Variants in ANO7 observed in about 807,000 individuals in gnomAD.
ANO7 encodes the protein anoctamin 7.
Under a neutral mutation model 115.8 loss-of-function variants are expected in ANO7, and 114 were observed. That is an observed-to-expected ratio of 0.98 (90% CI 0.85 to 1.15). ANO7 has a LOEUF of 1.15. Ranked by LOEUF, ANO7 falls within the 50% of genes most tolerant of loss-of-function variation. The pLI is 0.00. For synonymous variants in ANO7, 550 were observed against 498.2 expected (o/e 1.10, Z -1.38); for missense variants, 1,302 against 1,201.2 (o/e 1.08, Z -1.24).
chr2:241,202,112 G>T (rs2068485623), intron 7 of ANO7, 82 bp from the exon 8 acceptor site: 3 of 1,211,664 alleles, frequency 2.5e-6, no homozygotes, highest in East Asian at 2.4e-5. Flanking sequence ...CATGGCCTTG[G>T]CCTAAAGACA....
chr2:241,223,524 C>A, intron 22 of ANO7, 138 bp from the exon 23 acceptor site: 1 of 1,387,870 alleles, frequency 7.2e-7, no homozygotes, highest in Non-Finnish European at 9.8e-7. Context: ...TCTGCCCCTT[C>A]TGGGGTTCCT....
chr2:241,225,946 G>C lies in ANO7; in HGVS notation c.*1793G>C, dbSNP rs1188870694. Among the ~76,000 whole-genome samples, 1 of 152,192 alleles carries C rather than the reference G, an allele frequency of 6.6e-6. No homozygotes were observed. The highest frequency in any genetic ancestry group is 1.5e-5 in the Non-Finnish European group (1 of 68,030). On this transcript the variant is annotated 3_prime_UTR_variant, in exon 25 of 25. Coordinates refer to ENST00000674324, the MANE Select transcript of ANO7 (RefSeq NM_001370694.2). The stretch of plus-strand genomic sequence containing the variant: ...CACGTGTACTTCCTTCCAGCTGGTT[G>C]CTTTTTATTGTTGCTGTCTTAAACT...
At chr2:241,240,096 G>C in the ANO7 span, 3 of 1,614,176 alleles carry the variant, frequency 1.9e-6, no homozygotes, top group Non-Finnish European at 2.5e-6. The surrounding 1 kb of genome is among the most constrained non-coding windows in gnomAD (Gnocchi z 5.5). Context: ...GCTTGGCGCG[G>C]ATGTCAACAG....
At chr2:241,208,920 C>T (rs35948137) in intron 11 of ANO7, among the ~76,000 whole-genome samples, 122,847 of 151,490 alleles carry the variant, frequency 0.81, 50,672 homozygotes, top group African/African-American at 0.94. Flanking sequence ...GAGGCCAAGG[C>T]GGGTGGATCA....
In ANO7 at chr2:241,224,277, T is replaced by G. The variant is rs572189596; in HGVS notation, c.*124T>G. The stretch of plus-strand genomic sequence containing the variant: ...CCGCTGGCTGCTGTTGTGCCTCATC[T>G]CTGGGCACATTGCCTGCTTCCCCCC... On this transcript the variant is annotated 3_prime_UTR_variant, in exon 25 of 25. Transcript: ENST00000674324. 6 of 1,064,232 alleles carry G rather than the reference T, an allele frequency of 5.6e-6. No individual in the cohort carries two copies. The South Asian group carries it at 9.1e-5, about 16-fold the overall frequency. 65.9% of individuals were successfully genotyped at this position (1,064,232 alleles called of 1,614,324 possible). A position where few individuals can be genotyped will look rare whatever the true frequency, so the allele number is the denominator to read the frequency against.
At chr2:241,233,743 T>G in the ANO7 span, 1 of 1,558,282 alleles carries the variant, frequency 6.4e-7, no homozygotes, top group Non-Finnish European at 8.8e-7. The surrounding 1 kb of genome is among the most constrained non-coding windows in gnomAD (Gnocchi z 4.3). Flanking sequence ...TCTAGGCACA[T>G]CTGGTTACTG....
At chr2:241,230,799 G>A (rs767353594), downstream of ANO7, 1 of 1,614,250 alleles carries the variant, frequency 6.2e-7, no homozygotes, top group Non-Finnish European at 8.5e-7. The surrounding 1 kb of genome is among the most constrained non-coding windows in gnomAD (Gnocchi z 5.0). Flanking sequence ...TTTGCCGCGG[G>A]CACCAATGAT....
Position 241,201,304 on chromosome 2 carries a change from C to T in ANO7, c.561C>T (p.Leu187=), listed in dbSNP as rs370798173. The change falls in exon 7 of 25, where the codon CTC becomes CTT. Residue 187 remains leucine, a synonymous_variant. Transcript: ENST00000674324. ...RFRVNKLPRF[L]GSDNQDTFFT... ...ACTGTTCACATGCCCACAGCTTCCT[C>T]GGGAGTGACAACCAGGACACCTTCT... 1.3e-5 allele frequency: 21 copies of T among 1,613,198 alleles called. No homozygotes were observed. The highest frequency in any genetic ancestry group is 1.1e-4 in the African/African-American group (8 of 74,908).
intron 3 of ANO7, among the ~76,000 whole-genome samples, chr2:241,192,776 G>A (rs1446115527): frequency 2.0e-5 from 3 of 152,170 alleles, no homozygotes; most frequent in Admixed American, 6.5e-5. Context: ...AGGCTGCAAC[G>A]GGGATGCGCC....
In ANO7 at chr2:241,209,296, G is replaced by C. The variant is rs376622602; in HGVS notation, c.1089G>C (p.Leu363=). Residue 363 remains leucine (L), a synonymous_variant, in exon 12 of 25, where the codon CTG becomes CTC. Transcript: ENST00000674324. ...SACALAQAGR[L]FDHGGTVFFS... is the part of the protein sequence containing the mutation. ...GCTCCCTGCCACAGGCCGGCCGGCT[G>C]TTCGACCACGGCGGCACCGTGTTCT... is the stretch of plus-strand genomic sequence containing the variant. 1 of 1,556,024 alleles carries C rather than the reference G, an allele frequency of 6.4e-7. No homozygotes were observed. The highest frequency in any genetic ancestry group is 1.9e-5 in the Admixed American group (1 of 51,854).
At chr2:241,201,003 G>T (rs1306688033) in intron 6 of ANO7, among the ~76,000 whole-genome samples, 2 of 152,232 alleles carry the variant, frequency 1.3e-5, no homozygotes, top group Non-Finnish European at 2.9e-5. Flanking sequence ...ACCACAGTTT[G>T]CTTCCCCCCA....
At chr2:241,211,229 C>G (rs1318595435) in intron 15 of ANO7, among the ~76,000 whole-genome samples, 1 of 152,214 alleles carries the variant, frequency 6.6e-6, no homozygotes, top group Non-Finnish European at 1.5e-5. Context: ...AGATGTCCCT[C>G]TAGGATAGGG....
In ANO7 at chr2:241,212,643, C is replaced by A; in HGVS notation, c.1728+17C>A. ...AATGAGGAGGTGAGTGTGCCTGAGG[C>A]CCGGGACTGGGGGATGAGCTGTGTG... On this transcript the variant is annotated intron_variant, in intron 17 of 24. Coordinates refer to ENST00000674324, the MANE Select transcript of ANO7 (RefSeq NM_001370694.2). 1 of 1,609,110 alleles carries A rather than the reference C, an allele frequency of 6.2e-7. No homozygotes were observed. The highest frequency in any genetic ancestry group is 8.5e-7 in the Non-Finnish European group (1 of 1,177,518).
chr2:241,202,383 G>A, intron 8 of ANO7, 79 bp downstream of exon 8: 2 of 1,365,102 alleles, frequency 1.5e-6, no homozygotes, highest in Non-Finnish European at 1.0e-6. Context: ...CAGGGAGGCG[G>A]GTGTGGGGCA....
Position 241,201,366 on chromosome 2 carries a change from G to C in ANO7, c.612+11G>C, listed in dbSNP as rs370864203. On this transcript the variant is annotated intron_variant, in intron 7 of 24. Transcript: ENST00000674324. ...AAGAGGCACCAAATTGTGAGTGGGG[G>C]TTCCCTGCCGCGGGCCCCAAACCCT... The C allele has an allele frequency of 3.7e-6, 6 of 1,610,692 alleles. No individual in the cohort carries two copies. The highest frequency in any genetic ancestry group is 5.1e-6 in the Non-Finnish European group (6 of 1,178,610).
chr2:241,239,710 C>T, the ANO7 span: 2 of 1,614,134 alleles, frequency 1.2e-6, no homozygotes, highest in Non-Finnish European at 1.7e-6. The surrounding 1 kb of genome is among the most constrained non-coding windows in gnomAD (Gnocchi z 4.6). Flanking sequence ...GGAAGCTGAC[C>T]ATCACCCCGC....
intron 5 of ANO7, 47 bp downstream of exon 5, chr2:241,199,470 C>A (rs2068418992): frequency 3.2e-6 from 5 of 1,583,890 alleles, no homozygotes; most frequent in Non-Finnish European, 4.3e-6. Context: ...GTCCCGGTCC[C>A]CACACACTGC....
At chr2:241,219,294 C>T (rs777774948) in intron 21 of ANO7, among the ~76,000 whole-genome samples, 1 of 152,178 alleles carries the variant, frequency 6.6e-6, no homozygotes, top group Non-Finnish European at 1.5e-5. Flanking sequence ...GGTTATCAGT[C>T]TTTTCATATC....
At position 241,212,486 on chromosome 2, in the gene ANO7, AGCTCTGCT is replaced by A. The variant is rs916200352; in HGVS notation, c.1674-84_1674-77del. Reference sequence around the variant, plus strand: ...GTGCTTCCTCCAGGGCAGGTGCAGCAGCTCTGCTGAGGCCTCCAGAGCCCAGGGAAGTG... The same window carrying A: ...GTGCTTCCTCCAGGGCAGGTGCAGCAGAGGCCTCCAGAGCCCAGGGAAGTG... On this transcript the variant is annotated intron_variant, in intron 16 of 24. Transcript: ENST00000674324. 2.5e-5 allele frequency: 35 copies of A among 1,391,192 alleles called. No individual in the cohort carries two copies. In the African/African-American group the frequency reaches 5.0e-4, roughly 20 times the overall value. The allele number at this position is 1,391,192 out of a possible 1,614,324, so 86.2% of individuals were successfully genotyped here. A position where few individuals can be genotyped will look rare whatever the true frequency, so the allele number is the denominator to read the frequency against.
Sources: allele counts gnomAD v4.1 joint callset (sites outside exome capture counted in the v4.1 genomes callset), GRCh38; gene constraint gnomAD v4.1.1; non-coding constraint Gnocchi (gnomAD v3.1); transcripts MANE v1.5; gene names NCBI Gene and HGNC (gene_info 2026-07-23, HGNC 2026-07-21).